PIN4: variants seen among roughly 807,000 people sequenced by gnomAD.
PIN4 encodes the protein peptidyl-prolyl cis-trans isomerase NIMA-interacting 4.
In PIN4, 3 loss-of-function variants were observed where a neutral mutation model predicts 8.3. The observed-to-expected ratio is 0.36, with a 90% CI of 0.16 to 0.93. The LOEUF (loss-of-function observed/expected upper bound fraction) is 0.93, where lower values mean the gene tolerates loss of function less well. PIN4 is among the 40% of genes least tolerant of loss of function. The pLI, the probability that PIN4 is intolerant of heterozygous loss-of-function variation, is 0.44. For missense variants in PIN4, 75 were observed against 100.6 expected (o/e 0.75, Z 1.09); for synonymous variants, 18 against 32.5 (o/e 0.55, Z 1.52).
downstream of PIN4, among the ~76,000 whole-genome samples, chrX:72,200,984 G>A (rs146157854): frequency 2.4e-3 from 263 of 111,886 alleles, no homozygotes; most frequent in Middle Eastern, 9.2e-3. Context: ...CAAATCAGTT[G>A]AGGCCAGGAA....
chrX:72,204,938 C>T, intron 3 of PIN4: 1 of 958,045 alleles, frequency 1.0e-6, no homozygotes, highest in Non-Finnish European at 1.4e-6. Flanking sequence ...TTCATGTTCC[C>T]AAAGAATCCA....
At chrX:72,248,841 C>T (rs916377284) in intron 3 of PIN4, among the ~76,000 whole-genome samples, 1 of 109,827 alleles carries the variant, frequency 9.1e-6, no homozygotes, top group Non-Finnish European at 1.9e-5. Context: ...TGCGCCACTG[C>T]ACTCCAGCCT....
At chrX:72,246,136 G>A (rs1472090894) in intron 3 of PIN4, among the ~76,000 whole-genome samples, 2 of 111,419 alleles carry the variant, frequency 1.8e-5, no homozygotes, top group Non-Finnish European at 3.8e-5. Flanking sequence ...CCCTAGACCT[G>A]CTCTCTCAAT....
At chrX:72,248,450 C>T (rs930674765) in intron 3 of PIN4, among the ~76,000 whole-genome samples, 3 of 110,699 alleles carry the variant, frequency 2.7e-5, no homozygotes, top group Non-Finnish European at 5.7e-5. Flanking sequence ...GACTTTCTCA[C>T]AGTCAGAGTG....
At chrX:72,213,875 G>A (rs2042872276) in intron 3 of PIN4, among the ~76,000 whole-genome samples, 2 of 111,514 alleles carry the variant, frequency 1.8e-5, no homozygotes, top group African/African-American at 3.3e-5. Context: ...TCTTGGGAGC[G>A]GCCCACCACT....
At chrX:72,240,336 G>GT (rs1367379752) in intron 3 of PIN4, among the ~76,000 whole-genome samples, 1 of 111,419 alleles carries the variant, frequency 9.0e-6, no homozygotes, top group Non-Finnish European at 1.9e-5. Flanking sequence ...TAAATAGGAG[G>GT]TTGTGGGCCA....
intron 3 of PIN4, among the ~76,000 whole-genome samples, chrX:72,248,337 T>A (rs1202410362): frequency 9.4e-5 from 7 of 74,810 alleles, no homozygotes; most frequent in Non-Finnish European, 1.4e-4. Context: ...AAAAAAAAAA[T>A]GTCCTTATTC....
downstream of PIN4, among the ~76,000 whole-genome samples, chrX:72,201,140 T>C (rs1297103153): frequency 1.8e-5 from 2 of 110,979 alleles, no homozygotes; most frequent in Admixed American, 1.9e-4. Context: ...GAGTTAAGGC[T>C]GCAGTGAGCC....
At chrX:72,233,058 G>A (rs1404960571) in intron 3 of PIN4, among the ~76,000 whole-genome samples, 1 of 111,691 alleles carries the variant, frequency 9.0e-6, no homozygotes, top group African/African-American at 3.3e-5. Context: ...CTCATCATAA[G>A]GGGGAAATGC....
chrX:72,260,600 G>A (rs2043134490), intron 3 of PIN4, among the ~76,000 whole-genome samples: 1 of 111,635 alleles, frequency 9.0e-6, no homozygotes, highest in Non-Finnish European at 1.9e-5. Context: ...GCCTCCCAAG[G>A]CCCTCCTCCT....
downstream of PIN4, chrX:72,198,639 A>T (rs762423212): frequency 8.9e-6 from 1 of 112,262 alleles, no homozygotes; most frequent in Admixed American, 9.5e-5. Flanking sequence ...ACTTGAGCCC[A>T]GGAGTTCTGG....
chrX:72,253,127 C>T lies in PIN4; in HGVS notation c.313-9580C>T, dbSNP rs139011497. Among the ~76,000 whole-genome samples the T allele has an allele frequency of 4.5e-3, 507 of 111,551 alleles. 2 individuals are homozygous for T. The highest frequency in any genetic ancestry group is 0.015 in the African/African-American group (468 of 30,669). On this transcript the variant is annotated intron_variant, in intron 3 of 3. Coordinates refer to the PIN4 transcript ENST00000423432. ...AACGGCACCACTCAGTTGCTCAAAC[C>T]AAAAACCTTGAAATTAGAAACATCA... is the stretch of plus-strand genomic sequence containing the variant.
intron 3 of PIN4, among the ~76,000 whole-genome samples, chrX:72,255,061 T>G (rs1245020613): frequency 1.8e-3 from 89 of 50,799 alleles, no homozygotes; most frequent in Middle Eastern, 6.5e-3. Context: ...TCCGGGGAGG[T>G]GGGAGGAGTC....
chrX:72,239,733 C>T (rs1370522161), intron 3 of PIN4, among the ~76,000 whole-genome samples: 1 of 98,021 alleles, frequency 1.0e-5, no homozygotes, highest in Non-Finnish European at 2.0e-5. Context: ...GATTGCACCA[C>T]TGCACTCCAG....
At chrX:72,259,540 C>T (rs1238519516) in intron 3 of PIN4, among the ~76,000 whole-genome samples, 3 of 108,778 alleles carry the variant, frequency 2.8e-5, no homozygotes, top group African/African-American at 1.0e-4. Context: ...TATTAATAGT[C>T]GCCAGGGAGT....
intron 3 of PIN4, among the ~76,000 whole-genome samples, chrX:72,256,924 G>A (rs1445475480): frequency 2.7e-5 from 3 of 112,266 alleles, no homozygotes; most frequent in Non-Finnish European, 3.8e-5. Flanking sequence ...GCAAGGGAGA[G>A]AATAGGAAAG....
intron 1 of PIN4, 111 bp from the exon 2 acceptor site, chrX:72,186,350 C>T (rs763621412): frequency 6.5e-5 from 37 of 569,971 alleles, no homozygotes; most frequent in Non-Finnish European, 1.1e-4. Context: ...GGCCGAGTTC[C>T]CTTTTGAAGT....
At chrX:72,234,763 T>C (rs1054486542) in intron 3 of PIN4, among the ~76,000 whole-genome samples, 1 of 111,190 alleles carries the variant, frequency 9.0e-6, no homozygotes, top group Non-Finnish European at 1.9e-5. Context: ...TGCTGGGAAG[T>C]AGGTTGATAT....
intron 3 of PIN4, among the ~76,000 whole-genome samples, chrX:72,212,656 G>C (rs758720429): frequency 1.8e-5 from 2 of 112,482 alleles, no homozygotes; most frequent in Admixed American, 1.9e-4. Context: ...AATGTGAAGA[G>C]ACAGCTGGGA....
Sources: allele counts gnomAD v4.1 joint callset (sites outside exome capture counted in the v4.1 genomes callset), GRCh38; gene constraint gnomAD v4.1.1; transcripts MANE v1.5; gene names NCBI Gene and HGNC (gene_info 2026-07-23, HGNC 2026-07-21).